PCDHGA1: variants seen among roughly 807,000 people sequenced by gnomAD.
The protein encoded by PCDHGA1 is protocadherin gamma subfamily A, 1.
Under a neutral mutation model 58.0 loss-of-function variants are expected in PCDHGA1, and 32 were observed. That is an observed-to-expected ratio of 0.55 (90% confidence interval 0.42 to 0.74). The LOEUF (loss-of-function observed/expected upper bound fraction) is 0.74, where lower values mean the gene tolerates loss of function less well. PCDHGA1 is among the 30% of genes least tolerant of loss of function. PCDHGA1 has a pLI of 0.00. For missense variants in PCDHGA1, 1,205 were observed against 1,182.3 expected, an observed-to-expected ratio of 1.02 and a Z score of -0.28; for synonymous variants, 498 against 501.1, an observed-to-expected ratio of 0.99 and a Z score of 0.08.
intron 1 of PCDHGA1, chr5:141,375,441 C>G (rs904228732): frequency 6.2e-7 from 1 of 1,614,030 alleles, no homozygotes. Context: ...CCCACCTTCC[C>G]CCATTCATCC....
intron 1 of PCDHGA1, chr5:141,376,660 T>C (rs1772971230): frequency 1.1e-6 from 1 of 886,650 alleles, no homozygotes; most frequent in African/African-American, 1.8e-5. Flanking sequence ...GACTCCCTTG[T>C]TCAGGTGAGG....
intron 1 of PCDHGA1, chr5:141,378,778 C>G (rs962575356): frequency 6.6e-5 from 10 of 152,270 alleles, no homozygotes; most frequent in Middle Eastern, 3.4e-3. Flanking sequence ...ACTGATTAGT[C>G]TTATTTATTA....
At chr5:141,360,192 C>T in intron 1 of PCDHGA1, 1 of 1,611,916 alleles carries the variant, frequency 6.2e-7, no homozygotes, top group Non-Finnish European at 8.5e-7. Flanking sequence ...TACTGTTGCC[C>T]TTCCTGTTGT....
chr5:141,415,078 G>C, intron 1 of PCDHGA1: 1 of 1,613,494 alleles, frequency 6.2e-7, no homozygotes, highest in Non-Finnish European at 8.5e-7. Context: ...CACGGCGCGA[G>C]CCCTGCTGGA....
At chr5:141,413,299 G>T in intron 1 of PCDHGA1, 1 of 1,613,966 alleles carries the variant, frequency 6.2e-7, no homozygotes, top group Non-Finnish European at 8.5e-7. Flanking sequence ...AATTCCTGAG[G>T]AATTAGAGAA....
Position 141,510,942 on chromosome 5 carries a change from T to C in PCDHGA1, c.2570-5T>C, listed in dbSNP as rs769766039. On this transcript the variant is annotated splice_region_variant and splice_polypyrimidine_tract_variant and intron_variant, in intron 3 of 3. Transcript: ENST00000517417. ...CTCCCACCTGATCTTCCTCTGTCTCTGCAGAAGCTGCTGATGGGAGCTCCA... is the reference window on the plus strand; with the variant it reads ...CTCCCACCTGATCTTCCTCTGTCTCCGCAGAAGCTGCTGATGGGAGCTCCA... 5 of 1,613,984 alleles carry C rather than the reference T, an allele frequency of 3.1e-6. No homozygotes were observed. The highest frequency in any genetic ancestry group is 4.2e-6 in the Non-Finnish European group (5 of 1,180,014).
At chr5:141,360,539 A>T (rs1334168978) in intron 1 of PCDHGA1, 1 of 1,614,000 alleles carries the variant, frequency 6.2e-7, no homozygotes, top group Non-Finnish European at 8.5e-7. Flanking sequence ...CTATTCAAAC[A>T]GACTAAGATT....
At chr5:141,415,683 G>C in intron 1 of PCDHGA1, 1 of 1,517,194 alleles carries the variant, frequency 6.6e-7, no homozygotes, top group African/African-American at 1.4e-5. Flanking sequence ...TTTGCGGCAT[G>C]ATGGTGGAAA....
chr5:141,352,574 C>T (rs1759049490), intron 1 of PCDHGA1: 1 of 1,613,842 alleles, frequency 6.2e-7, no homozygotes, highest in Non-Finnish European at 8.5e-7. Context: ...GGAAATGGCT[C>T]CCCCTCAGGA....
intron 1 of PCDHGA1, chr5:141,361,554 A>T (rs199916536): frequency 6.2e-7 from 1 of 1,614,062 alleles, no homozygotes; most frequent in Non-Finnish European, 8.5e-7. Context: ...CTATCGCTCA[A>T]ATCAGTGCCT....
At chr5:141,441,635 G>T in intron 1 of PCDHGA1, 1 of 226,720 alleles carries the variant, frequency 4.4e-6, no homozygotes, top group Non-Finnish European at 8.9e-6. Flanking sequence ...TGGAGCCACA[G>T]GCGCTGTGAT....
intron 1 of PCDHGA1, chr5:141,340,108 C>A (rs756410712): frequency 6.2e-7 from 1 of 1,613,898 alleles, no homozygotes; most frequent in Non-Finnish European, 8.5e-7. Flanking sequence ...CTGGGCAGAA[C>A]GCATTCACCA....
chr5:141,492,602 C>G (rs1352851783), intron 1 of PCDHGA1, among the ~76,000 whole-genome samples: 2 of 152,222 alleles, frequency 1.3e-5, no homozygotes, highest in Non-Finnish European at 2.9e-5. Flanking sequence ...GAGCGACTGC[C>G]GCTCTAAGTG....
chr5:141,395,129 G>C (rs2093179899), intron 1 of PCDHGA1: 1 of 1,614,182 alleles, frequency 6.2e-7, no homozygotes, highest in African/African-American at 1.3e-5. Context: ...TCTTTCCCCA[G>C]CCCAACTACG....
At chr5:141,423,659 A>G in intron 1 of PCDHGA1, 2 of 1,551,038 alleles carry the variant, frequency 1.3e-6, no homozygotes, top group Non-Finnish European at 1.7e-6. Flanking sequence ...ACAAGTAATC[A>G]GGTGAGATTT....
chr5:141,392,280 G>A (rs1299678398), intron 1 of PCDHGA1: 3 of 152,190 alleles, frequency 2.0e-5, no homozygotes, highest in African/African-American at 7.2e-5. Context: ...AAAGCTTAGA[G>A]CACAATGGGA....
At chr5:141,410,803 C>A in intron 1 of PCDHGA1, 11 of 409,880 alleles carry the variant, frequency 2.7e-5, no homozygotes, top group East Asian at 1.2e-4. Context: ...GTTGCTCTAT[C>A]TTTTTGTAAA....
intron 1 of PCDHGA1, chr5:141,410,641 T>G: frequency 6.3e-7 from 1 of 1,599,146 alleles, no homozygotes. Context: ...CTTTTTTGTG[T>G]GTGATTTATC....
chr5:141,350,289 T>G (rs1758440000), intron 1 of PCDHGA1: 8 of 1,513,050 alleles, frequency 5.3e-6, no homozygotes, highest in Non-Finnish European at 7.1e-6. Flanking sequence ...GCCGAAATGA[T>G]GAAAAGTCAG....
Sources: gnomAD v4.1 joint callset for allele counts (sites outside exome capture counted in the v4.1 genomes callset) on GRCh38, gnomAD v4.1.1 for gene constraint, MANE v1.5 for transcripts, NCBI Gene and HGNC (gene_info 2026-07-23, HGNC 2026-07-21) for gene names.